The following COL4A6 variants were observed in gnomAD, a reference collection of about 807,000 sequenced individuals.
COL4A6 encodes the protein collagen alpha-6(IV) chain.
A neutral mutation model predicts 126.7 loss-of-function variants in COL4A6; 59 were observed. The ratio of observed to expected loss-of-function variants is 0.47; its 90% CI spans 0.38 to 0.58. The LOEUF (loss-of-function observed/expected upper bound fraction) is 0.58, where lower values mean the gene tolerates loss of function less well. Among genes scored for constraint, COL4A6 ranks in the 20% least tolerant of loss-of-function variants. COL4A6 has a pLI of 0.00. For synonymous variants in COL4A6, 547 were observed against 496.6 expected (o/e 1.10, Z -1.35); for missense variants, 1,285 against 1,337.3 (o/e 0.96, Z 0.61).
chrX:108,159,593 G>A lies in COL4A6; in HGVS notation c.4681C>T (p.Pro1561Ser). Reference protein sequence around the residue: ...PMMPVSQTQIPQYISRCSVCE... With the variant: ...PMMPVSQTQISQYISRCSVCE... ...ACAGAGCAGCGGCTGATGTACTGGG[G>A]AATCTGGGTCTGGCTGACGGGCATC... Residue 1561 changes from proline to serine, a missense_variant, in exon 44 of 45, where the codon CCC (proline) becomes TCC (serine). Physicochemically the swap from Pro to Ser is moderately conservative, Grantham distance 74. Transcript: ENST00000334504. The A allele has an allele frequency of 8.2e-7, 1 of 1,212,466 alleles. No homozygotes were observed. The highest frequency in any genetic ancestry group is 1.1e-6 in the Non-Finnish European group (1 of 895,653).
At position 108,205,677 on chromosome X, in the gene COL4A6, C is replaced by G. The variant is rs755185014; in HGVS notation, c.628G>C (p.Gly210Arg). The G allele has an allele frequency of 8.3e-7, 1 of 1,206,162 alleles. No individual in the cohort carries two copies. Among genetic ancestry groups the G allele is most frequent in the Non-Finnish European group, 1.1e-6 (1 of 893,303 alleles). Residue 210 changes from glycine (G) to arginine (R), a missense_variant, in exon 10 of 45, where the codon GGT becomes CGT. Coordinates refer to ENST00000334504, the MANE Select transcript of COL4A6 (RefSeq NM_033641.4). ...ATACTTACATCAGGACCAAGAGGAC[C>G]AGGAGGCCCTGGAGGACCCTAGATT... ...PGLQGPPGPPGPLGPDGNMGL... is the reference protein window; with the variant it reads ...PGLQGPPGPPRPLGPDGNMGL...
Position 108,317,739 on chromosome X carries a change from G to C in COL4A6, c.64-6911C>G, listed in dbSNP as rs759319956. On this transcript the variant is annotated intron_variant, in intron 2 of 44. Transcript: ENST00000334504. Reference sequence around the variant, plus strand: ...GTTTGTCAAAGATCAGATAGTTGTAGATATGTGGCGTTATTTCTGAGGGCT... The same window carrying C: ...GTTTGTCAAAGATCAGATAGTTGTACATATGTGGCGTTATTTCTGAGGGCT... 1.9e-3 allele frequency among the ~76,000 whole-genome samples: 209 copies of C among 111,343 alleles called. 1 individual carries two copies. Among genetic ancestry groups the C allele is most frequent in the African/African-American group, 6.7e-3 (204 of 30,651 alleles).
At chrX:108,268,006 G>T (rs1378837926) in intron 3 of COL4A6, 1 of 112,049 alleles carries the variant, frequency 8.9e-6, no homozygotes, top group East Asian at 2.8e-4. Flanking sequence ...AATGGGCTTG[G>T]CAAAAACACA....
At chrX:108,188,358 A>G (rs1438925605) in intron 21 of COL4A6, among the ~76,000 whole-genome samples, 159 bp downstream of exon 21, 3 of 112,535 alleles carry the variant, frequency 2.7e-5, no homozygotes, top group African/African-American at 9.7e-5. Flanking sequence ...AAGGACTTTA[A>G]GAGACTCTAT....
intron 3 of COL4A6, among the ~76,000 whole-genome samples, chrX:108,241,180 TTAATA>T (rs1336588982): frequency 3.6e-5 from 4 of 110,936 alleles, no homozygotes; most frequent in African/African-American, 1.3e-4. Context: ...TATAAAACAC[TTAATA>T]TAATGCCTGA....
At chrX:108,345,333 T>G (rs923922953) in intron 2 of COL4A6, among the ~76,000 whole-genome samples, 1 of 111,790 alleles carries the variant, frequency 8.9e-6, no homozygotes, top group Admixed American at 9.5e-5. Context: ...AGTTGAAAGC[T>G]GAAATAATTT....
intron 2 of COL4A6, among the ~76,000 whole-genome samples, chrX:108,380,040 A>C (rs368106469): frequency 1.9e-4 from 21 of 112,039 alleles, no homozygotes; most frequent in African/African-American, 5.8e-4. Flanking sequence ...AACATGCTAA[A>C]GAGTCAGCAT....
intron 6 of COL4A6, 39 bp from the exon 7 acceptor site, chrX:108,211,779 AC>A: frequency 9.1e-7 from 1 of 1,101,647 alleles, no homozygotes; most frequent in Non-Finnish European, 1.3e-6. Context: ...AAATACACAC[AC>A]TTACAGTCTT....
intron 2 of COL4A6, among the ~76,000 whole-genome samples, chrX:108,322,074 A>G (rs759247196): frequency 9.0e-6 from 1 of 111,247 alleles, no homozygotes; most frequent in East Asian, 2.8e-4. Context: ...ACGTTTATGA[A>G]CTTCTTGCTA....
intron 2 of COL4A6, among the ~76,000 whole-genome samples, chrX:108,334,473 A>C (rs1015960160): frequency 2.7e-5 from 3 of 111,786 alleles, no homozygotes; most frequent in Non-Finnish European, 3.8e-5. Context: ...TATGGATGAA[A>C]TTTATTTTCA....
intron 3 of COL4A6, among the ~76,000 whole-genome samples, chrX:108,289,124 G>C (rs2038088955): frequency 9.0e-6 from 1 of 111,518 alleles, no homozygotes; most frequent in Admixed American, 9.5e-5. Context: ...TCTTTGATTG[G>C]ATTCTGCATT....
chrX:108,278,571 G>C (rs1477981598), intron 3 of COL4A6, among the ~76,000 whole-genome samples: 1 of 110,629 alleles, frequency 9.0e-6, no homozygotes, highest in African/African-American at 3.3e-5. Context: ...ACACTCTGCA[G>C]GATATTATCC....
chrX:108,419,091 A>C (rs909365247), intron 2 of COL4A6, among the ~76,000 whole-genome samples: 1 of 112,372 alleles, frequency 8.9e-6, no homozygotes, highest in African/African-American at 3.2e-5. Context: ...TTTATAGTAA[A>C]CTATATATGA....
At chrX:108,264,080 G>A (rs949293746) in intron 3 of COL4A6, among the ~76,000 whole-genome samples, 1 of 111,201 alleles carries the variant, frequency 9.0e-6, no homozygotes, top group Non-Finnish European at 1.9e-5. Flanking sequence ...TTTGTTTCTA[G>A]GGATAGTACT....
intron 3 of COL4A6, among the ~76,000 whole-genome samples, chrX:108,304,214 C>G (rs1432692442): frequency 8.9e-6 from 1 of 111,850 alleles, no homozygotes. Context: ...CTAGCAGAAG[C>G]CTCCCTCACT....
intron 2 of COL4A6, among the ~76,000 whole-genome samples, chrX:108,411,513 A>G (rs946218070): frequency 3.6e-5 from 4 of 111,748 alleles, no homozygotes; most frequent in Admixed American, 2.9e-4. Flanking sequence ...TCTCCACTTT[A>G]CAAATGAAGC....
At chrX:108,315,856 C>T (rs1247367433) in intron 2 of COL4A6, among the ~76,000 whole-genome samples, 5 of 112,018 alleles carry the variant, frequency 4.5e-5, no homozygotes, top group Non-Finnish European at 9.4e-5. Context: ...AGGACCATGT[C>T]TTATGCTTCT....
At chrX:108,279,036 A>T (rs1249963711) in intron 3 of COL4A6, among the ~76,000 whole-genome samples, 2 of 112,102 alleles carry the variant, frequency 1.8e-5, no homozygotes, top group South Asian at 3.8e-4. Context: ...CACTGCAAAA[A>T]CATGCCAAAT....
intron 2 of COL4A6, among the ~76,000 whole-genome samples, chrX:108,434,483 A>G (rs1478478247): frequency 4.5e-5 from 5 of 110,485 alleles, no homozygotes; most frequent in Non-Finnish European, 9.4e-5. Flanking sequence ...TTTTAGAAGT[A>G]TACAATAAAA....
Sources: gnomAD v4.1 joint callset for allele counts (sites outside exome capture counted in the v4.1 genomes callset) on GRCh38, gnomAD v4.1.1 for gene constraint, MANE v1.5 for transcripts, NCBI Gene and HGNC (gene_info 2026-07-23, HGNC 2026-07-21) for gene names.